BCO1: variants seen among roughly 807,000 people sequenced by gnomAD.
BCO1 encodes the protein beta,beta-carotene 15,15'-dioxygenase.
A neutral mutation model predicts 56.3 loss-of-function variants in BCO1; 54 were observed. The ratio of observed to expected loss-of-function variants is 0.96; its 90% CI spans 0.77 to 1.20. The LOEUF (loss-of-function observed/expected upper bound fraction) is 1.20. BCO1 is among the 50% of genes most tolerant of loss of function. BCO1 has a pLI of 0.00. For missense variants in BCO1, 801 were observed against 690.9 expected (o/e 1.16, Z -1.79); for synonymous variants, 318 against 266.1 (o/e 1.20, Z -1.90).
At position 81,272,817 on chromosome 16, in the gene BCO1, C is replaced by G. The variant is rs146567422; in HGVS notation, c.1101+2401C>G. Among the ~76,000 whole-genome samples, 1,495 of 152,282 alleles carry G rather than the reference C, an allele frequency of 9.8e-3. 12 individuals carry two copies. The highest frequency in any genetic ancestry group is 0.021 in the South Asian group (103 of 4,820). On this transcript the variant is annotated intron_variant, in intron 7 of 10. Coordinates refer to ENST00000258168, the MANE Select transcript of BCO1 (RefSeq NM_017429.3). The stretch of plus-strand genomic sequence containing the variant: ...TGTTTTTCTTACCTCACTTAATGAT[C>G]AAAACAACCTGTGGGAAACGTCCCT...
intron 2 of BCO1, among the ~76,000 whole-genome samples, chr16:81,257,455 G>A (rs1327004646): frequency 6.6e-6 from 1 of 151,680 alleles, no homozygotes; most frequent in Non-Finnish European, 1.5e-5. Flanking sequence ...AGTAGAGATG[G>A]GGTTTCACCA....
rs2150653604 is a variant in BCO1, at chr16:81,290,753, T to C, written c.*176T>C. On this transcript the variant is annotated 3_prime_UTR_variant, in exon 11 of 11. Transcript: ENST00000258168. ...ATCATTTCTTTCATTTTATTTTGGC[T>C]GTAAAAATTTTGTTTGAAAGTCAAA... 1.7e-6 allele frequency: 1 copy of C among 602,420 alleles called. No individual in the cohort carries two copies. The highest frequency in any genetic ancestry group is 2.9e-6 in the Non-Finnish European group (1 of 346,126). 37.3% of individuals were successfully genotyped at this position (602,420 alleles called of 1,614,324 possible).
In BCO1 at chr16:81,254,197, C is replaced by T. The variant is rs555844047; in HGVS notation, c.194-5479C>T. On this transcript the variant is annotated intron_variant, in intron 2 of 10. Coordinates refer to ENST00000258168, the MANE Select transcript of BCO1 (RefSeq NM_017429.3). ...AGGCAGGAGTTCAATGGCACAGTCT[C>T]AGCTCACTGCAACCTCTGCCTCCTG... 3.0e-3 allele frequency among the ~76,000 whole-genome samples: 460 copies of T among 152,046 alleles called. 1 individual carries two copies. The highest frequency in any genetic ancestry group is 5.1e-3 in the Non-Finnish European group (345 of 67,986).
Position 81,239,276 on chromosome 16 carries a change from G to A in BCO1, c.64+304G>A, listed in dbSNP as rs540199586. On this transcript the variant is annotated intron_variant, in intron 1 of 10. Transcript: ENST00000258168. ...AAGTGATCCACCCACCTCGGCCTCC[G>A]AAAGTGCTAGGATTACAGGGGTGAG... Among the ~76,000 whole-genome samples the A allele has an allele frequency of 3.4e-4, 51 of 152,090 alleles. 1 individual carries two copies. In the South Asian group the frequency reaches 9.6e-3, roughly 28 times the overall value.
At chr16:81,268,161 G>A (rs1158598152) in intron 6 of BCO1, 30 bp downstream of exon 6, 1 of 1,585,698 alleles carries the variant, frequency 6.3e-7, no homozygotes, top group East Asian at 2.2e-5. Flanking sequence ...TAGCCCAGTG[G>A]GTGCTGGCTG....
chr16:81,256,671 C>T (rs1371097232), intron 2 of BCO1, among the ~76,000 whole-genome samples: 4 of 152,016 alleles, frequency 2.6e-5, no homozygotes, highest in Non-Finnish European at 4.4e-5. Flanking sequence ...GCAGTTCACC[C>T]GAGCTTAGGA....
chr16:81,249,092 C>CTTTTTT (rs546566864), intron 2 of BCO1, among the ~76,000 whole-genome samples: 5 of 133,466 alleles, frequency 3.7e-5, no homozygotes, highest in Admixed American at 7.7e-5. Context: ...CTCTTTCTTT[C>CTTTTTT]TTTTTTTTTT....
chr16:81,261,475 T>C (rs190418933), intron 3 of BCO1, among the ~76,000 whole-genome samples: 211 of 152,360 alleles, frequency 1.4e-3, no homozygotes, highest in African/African-American at 3.9e-3. Context: ...AGCTACGTTG[T>C]TAGGCTTTGG....
intron 10 of BCO1, among the ~76,000 whole-genome samples, chr16:81,290,070 G>C (rs952140682): frequency 6.6e-6 from 1 of 152,124 alleles, no homozygotes; most frequent in Non-Finnish European, 1.5e-5. Context: ...CACCACGTTG[G>C]CCAGACTGGT....
chr16:81,245,634 C>T, intron 2 of BCO1, 31 bp downstream of exon 2: 1 of 1,613,816 alleles, frequency 6.2e-7, no homozygotes, highest in East Asian at 2.2e-5. Flanking sequence ...GCTGCCACTG[C>T]TGCAGCAAAG....
intron 7 of BCO1, among the ~76,000 whole-genome samples, chr16:81,273,976 C>T (rs1053054991): frequency 6.6e-6 from 1 of 152,172 alleles, no homozygotes; most frequent in African/African-American, 2.4e-5. Context: ...GGATGAACAG[C>T]CACGTCCCAT....
At chr16:81,250,988 T>A (rs1022667398) in intron 2 of BCO1, among the ~76,000 whole-genome samples, 7 of 152,160 alleles carry the variant, frequency 4.6e-5, no homozygotes, top group Non-Finnish European at 1.0e-4. Flanking sequence ...CCCCGAGCCC[T>A]CTGAGGTTTG....
At chr16:81,287,202 C>G in intron 9 of BCO1, 93 bp from the exon 10 acceptor site, 1 of 957,416 alleles carries the variant, frequency 1.0e-6, no homozygotes, top group Non-Finnish European at 1.7e-6. Flanking sequence ...TGGGCTTCAT[C>G]TCCTCTGTGT....
intron 3 of BCO1, among the ~76,000 whole-genome samples, chr16:81,261,515 G>A (rs1597357742): frequency 1.3e-5 from 2 of 152,240 alleles, no homozygotes; most frequent in East Asian, 1.9e-4. Context: ...TACGATTTCC[G>A]TAGAGCTTCT....
At chr16:81,274,962 A>G (rs1012694600) in intron 7 of BCO1, among the ~76,000 whole-genome samples, 3 of 152,052 alleles carry the variant, frequency 2.0e-5, no homozygotes, top group Non-Finnish European at 4.4e-5. Flanking sequence ...CTAGCAAAGG[A>G]AAGCAAGCCC....
At chr16:81,272,694 T>A (rs915685851) in intron 7 of BCO1, among the ~76,000 whole-genome samples, 1 of 152,280 alleles carries the variant, frequency 6.6e-6, no homozygotes. Flanking sequence ...ACTTCATGAC[T>A]TAATTAATTT....
chr16:81,265,448 C>G (rs1426401394), intron 5 of BCO1, among the ~76,000 whole-genome samples: 1 of 151,434 alleles, frequency 6.6e-6, no homozygotes, highest in East Asian at 2.0e-4. Context: ...CATCCATCCA[C>G]CCACCACCCA....
chr16:81,248,424 A>AAC lies in BCO1; in HGVS notation c.193+2822_193+2823insCA, dbSNP rs1253280229. Among the ~76,000 whole-genome samples, 8 of 151,216 alleles carry AAC rather than the reference A, an allele frequency of 5.3e-5. No homozygotes were observed. In the East Asian group the frequency reaches 1.4e-3, roughly 26 times the overall value. On this transcript the variant is annotated intron_variant, in intron 2 of 10. Transcript: ENST00000258168. ...CTCTCACAAAAAAAAAAAAAAAAAA[A>AAC]AATTATATAACTATTAATTTCTTTT... is the stretch of plus-strand genomic sequence containing the variant.
chr16:81,262,312 T>G, intron 4 of BCO1, 29 bp downstream of exon 4: 3 of 1,604,894 alleles, frequency 1.9e-6, no homozygotes, highest in Non-Finnish European at 2.6e-6. Context: ...CCAGCATCAC[T>G]TCCTGACTCA....
Sources: gnomAD v4.1 joint callset for allele counts (sites outside exome capture counted in the v4.1 genomes callset) on GRCh38, gnomAD v4.1.1 for gene constraint, MANE v1.5 for transcripts, NCBI Gene and HGNC (gene_info 2026-07-23, HGNC 2026-07-21) for gene names.